The following PLCG2 variants were observed in gnomAD, a reference collection of about 807,000 sequenced individuals.
PLCG2 encodes the protein phospholipase C gamma 2.
In PLCG2, 69 loss-of-function variants were observed where a neutral mutation model predicts 175.6. That is an observed-to-expected ratio of 0.39 (90% confidence interval 0.32 to 0.48). PLCG2 has a LOEUF of 0.48. Ranked by LOEUF, PLCG2 falls within the 20% of genes least tolerant of loss-of-function variation. The pLI, the probability that PLCG2 is intolerant of heterozygous loss-of-function variation, is 0.91. For missense variants in PLCG2, 1,798 were observed against 1,650.9 expected, an observed-to-expected ratio of 1.09 and a Z score of -1.54; for synonymous variants, 827 against 624.0, an observed-to-expected ratio of 1.33 and a Z score of -4.85.
At chr16:81,780,557 A>G (rs1389790745) in intron 1 of PLCG2, among the ~76,000 whole-genome samples, 3 of 152,158 alleles carry the variant, frequency 2.0e-5, no homozygotes, top group African/African-American at 7.2e-5. Context: ...CTCAGGGACA[A>G]TCGTCATTGT....
At chr16:81,806,029 G>C (rs1477559545) in intron 2 of PLCG2, among the ~76,000 whole-genome samples, 2 of 151,876 alleles carry the variant, frequency 1.3e-5, no homozygotes, top group African/African-American at 4.8e-5. Flanking sequence ...ATTTAACTCA[G>C]TATATCCAAA....
chr16:81,805,064 C>G (rs1473305793), intron 2 of PLCG2, among the ~76,000 whole-genome samples: 1 of 152,196 alleles, frequency 6.6e-6, no homozygotes, highest in Non-Finnish European at 1.5e-5. Flanking sequence ...AGAGGAACAA[C>G]ATCAGACACT....
At chr16:81,803,029 C>A (rs182664623) in intron 2 of PLCG2, among the ~76,000 whole-genome samples, 171 of 152,230 alleles carry the variant, frequency 1.1e-3, no homozygotes, top group African/African-American at 3.5e-3. Flanking sequence ...TTCCCCCATC[C>A]CTGGCAATGA....
chr16:81,778,065 C>CGA (rs1555505501), upstream of PLCG2, among the ~76,000 whole-genome samples: 1 of 32,282 alleles, frequency 3.1e-5, no homozygotes, highest in Non-Finnish European at 6.5e-5. Context: ...CAAAAAAAAC[C>CGA]AAAAACACAC....
intron 2 of PLCG2, among the ~76,000 whole-genome samples, chr16:81,845,131 G>C (rs1223308476): frequency 3.3e-5 from 5 of 151,834 alleles, no homozygotes; most frequent in African/African-American, 1.2e-4. Context: ...TTAGAGATGG[G>C]GTATTGCTTT....
chr16:81,877,401 G>A (rs1386174526), intron 7 of PLCG2, among the ~76,000 whole-genome samples: 1 of 152,196 alleles, frequency 6.6e-6, no homozygotes, highest in Admixed American at 6.5e-5. Context: ...CTTACAGTGA[G>A]CCGAGATTGC....
intron 2 of PLCG2, among the ~76,000 whole-genome samples, chr16:81,788,284 A>G (rs545270539): frequency 3.3e-5 from 5 of 152,196 alleles, no homozygotes; most frequent in African/African-American, 7.2e-5. Context: ...AGGATATGGC[A>G]TATATATATT....
chr16:81,941,808 CTACAGGTG>C (rs1910953816), intron 30 of PLCG2, among the ~76,000 whole-genome samples: 1 of 151,612 alleles, frequency 6.6e-6, no homozygotes, highest in Admixed American at 6.6e-5. Context: ...GTAGCTGGGA[CTACAGGTG>C]TACACTACCA....
At chr16:81,924,629 C>A (rs1439532846) in intron 22 of PLCG2, among the ~76,000 whole-genome samples, 2 of 152,238 alleles carry the variant, frequency 1.3e-5, no homozygotes, top group African/African-American at 4.8e-5. Context: ...TGTCCTCTTG[C>A]AAGATGCCTT....
At chr16:81,795,470 A>G (rs1383239891) in intron 2 of PLCG2, among the ~76,000 whole-genome samples, 2 of 152,132 alleles carry the variant, frequency 1.3e-5, no homozygotes, top group Admixed American at 6.5e-5. Context: ...TCTTCCTGTA[A>G]GTTTATCTCT....
intron 2 of PLCG2, among the ~76,000 whole-genome samples, chr16:81,759,988 T>C (rs149922092): frequency 0.02 from 3,045 of 151,652 alleles, 87 homozygotes; most frequent in African/African-American, 0.07. Context: ...TAGCCGGGAG[T>C]GGTGGCGGGC....
At chr16:81,839,689 G>A (rs961805346) in intron 2 of PLCG2, among the ~76,000 whole-genome samples, 1 of 152,118 alleles carries the variant, frequency 6.6e-6, no homozygotes, top group Non-Finnish European at 1.5e-5. Flanking sequence ...ATAACAAAGG[G>A]TGGGCACCAT....
chr16:81,939,176 C>G (rs373355638), intron 29 of PLCG2, among the ~76,000 whole-genome samples: 19 of 152,234 alleles, frequency 1.2e-4, no homozygotes, highest in African/African-American at 4.1e-4. Context: ...CTAGGTTGGT[C>G]CTCTCTGTGC....
intron 2 of PLCG2, among the ~76,000 whole-genome samples, chr16:81,796,567 A>AT (rs1158989287): frequency 1.3e-5 from 2 of 152,224 alleles, no homozygotes; most frequent in African/African-American, 4.8e-5. Flanking sequence ...CAAGGTCCTA[A>AT]TCCCCATACT....
At chr16:81,900,504 G>A in intron 13 of PLCG2, 108 bp from the exon 14 acceptor site, 1 of 969,090 alleles carries the variant, frequency 1.0e-6, no homozygotes, top group Non-Finnish European at 1.5e-6. Context: ...TGCCCCCCGA[G>A]CAGCGCCCGG....
chr16:81,778,071 C>CAAAAAAAAAA (rs1567458002), upstream of PLCG2, among the ~76,000 whole-genome samples: 2 of 77,200 alleles, frequency 2.6e-5, no homozygotes, highest in African/African-American at 6.2e-5. Flanking sequence ...AAACCAAAAA[C>CAAAAAAAAAA]ACACACACAC....
At chr16:81,827,306 C>T (rs576149223) in intron 2 of PLCG2, among the ~76,000 whole-genome samples, 10 of 151,890 alleles carry the variant, frequency 6.6e-5, no homozygotes, top group Non-Finnish European at 1.2e-4. Context: ...ATCTCAGTCT[C>T]CCAAGTACCT....
intron 9 of PLCG2, among the ~76,000 whole-genome samples, chr16:81,885,172 G>A (rs35819356): frequency 0.34 from 51,108 of 151,888 alleles, 9,944 homozygotes; most frequent in East Asian, 0.62. Context: ...GATTGCAGGC[G>A]TCTGCCACAA....
chr16:81,934,600 T>C, intron 26 of PLCG2, 69 bp downstream of exon 26: 1 of 929,604 alleles, frequency 1.1e-6, no homozygotes, highest in South Asian at 1.4e-5. Flanking sequence ...AGTCTGATAT[T>C]TTCAGAGGGG....
Sources: allele counts gnomAD v4.1 joint callset (sites outside exome capture counted in the v4.1 genomes callset), GRCh38; gene constraint gnomAD v4.1.1; transcripts MANE v1.5; gene names NCBI Gene and HGNC (gene_info 2026-07-23, HGNC 2026-07-21).